Variants in DNAJC5G observed in about 807,000 individuals in gnomAD.
The protein encoded by DNAJC5G is DnaJ heat shock protein family (Hsp40) member C5 gamma.
Under a neutral mutation model 19.1 loss-of-function variants are expected in DNAJC5G, and 13 were observed. That is an observed-to-expected ratio of 0.68 (90% CI 0.44 to 1.08). The LOEUF (loss-of-function observed/expected upper bound fraction) is 1.08, where lower values mean the gene tolerates loss of function less well. Ranked by LOEUF, DNAJC5G falls within the 50% of genes least tolerant of loss-of-function variation. The pLI, the probability that DNAJC5G is intolerant of heterozygous loss-of-function variation, is 0.00. For synonymous variants in DNAJC5G, 81 were observed against 84.4 expected, an observed-to-expected ratio of 0.96 and a Z score of 0.22; for missense variants, 245 against 230.4, an observed-to-expected ratio of 1.06 and a Z score of -0.41.
chr2:27,280,102 T>A, intron 5 of DNAJC5G, 64 bp from the exon 6 acceptor site: 1 of 1,517,784 alleles, frequency 6.6e-7, no homozygotes, highest in Non-Finnish European at 9.1e-7. Context: ...GGTTTTCTCA[T>A]CAGTACACTA....
chr2:27,277,250 G>A (rs1022052799), intron 3 of DNAJC5G, among the ~76,000 whole-genome samples: 5 of 64,040 alleles, frequency 7.8e-5, no homozygotes, highest in African/African-American at 3.8e-4. Flanking sequence ...CCTACGACCC[G>A]TTTGTTTGTT....
In DNAJC5G at chr2:27,276,841, G is replaced by C; in HGVS notation, c.113G>C (p.Ser38Thr). The C allele has an allele frequency of 6.2e-7, 1 of 1,613,180 alleles. No individual in the cohort carries two copies. The highest frequency in any genetic ancestry group is 1.7e-5 in the Admixed American group (1 of 59,940). The change falls in exon 3 of 7, where the codon AGC becomes ACC. Residue 38 changes from serine (S) to threonine (T), a missense_variant and splice_region_variant. Transcript: ENST00000296097. ...ASPEDFKKSY[S>T]HSALLPHPPF... Reference sequence around the variant, plus strand: ...CCTGAAGACTTCAAAAAATCCTACAGGTTCAGACCTCAGCCCTTTATTGAT... The same window carrying C: ...CCTGAAGACTTCAAAAAATCCTACACGTTCAGACCTCAGCCCTTTATTGAT...
In DNAJC5G at chr2:27,277,852, C is replaced by T; in HGVS notation, c.212C>T (p.Ala71Val). ...HPDKNPGNAQAAEIFKEINAA... is the reference protein window; with the variant it reads ...HPDKNPGNAQVAEIFKEINAA... ...GACAAGAATCCAGGGAATGCTCAAGCAGCAGAAATATTCAAAGAGATCAAC... is the reference window on the plus strand; with the variant it reads ...GACAAGAATCCAGGGAATGCTCAAGTAGCAGAAATATTCAAAGAGATCAAC... The change falls in exon 4 of 7, where the codon GCA becomes GTA. Residue 71 changes from alanine (A) to valine (V), a missense_variant. Physicochemically the swap from Ala to Val is moderately conservative, Grantham distance 64. Transcript: ENST00000296097. 1 of 1,614,170 alleles carries T rather than the reference C, an allele frequency of 6.2e-7. No homozygotes were observed.
chr2:27,277,632 T>G, intron 3 of DNAJC5G, 122 bp from the exon 4 acceptor site: 1 of 1,286,484 alleles, frequency 7.8e-7, no homozygotes, highest in Non-Finnish European at 1.1e-6. Flanking sequence ...CTCTTCATTA[T>G]AGTATGGGAA....
intron 5 of DNAJC5G, 150 bp from the exon 6 acceptor site, chr2:27,280,016 C>G (rs79334624): frequency 1.5e-6 from 1 of 662,926 alleles, no homozygotes; most frequent in Non-Finnish European, 2.7e-6. Context: ...CATTCCCCCC[C>G]AAATGAACTT....
Position 27,280,015 on chromosome 2 carries a change from C to A in DNAJC5G, c.521-151C>A, listed in dbSNP as rs1006651170. On this transcript the variant is annotated intron_variant, in intron 5 of 6. Coordinates refer to ENST00000296097, the MANE Select transcript of DNAJC5G (RefSeq NM_173650.3). ...AAGGAAAGTCTGAGATCATTCCCCC[C>A]CAAATGAACTTTTATAAGCTGATTG... is the stretch of plus-strand genomic sequence containing the variant. The A allele has an allele frequency of 2.0e-5, 13 of 658,328 alleles. No homozygotes were observed. The Admixed American group carries it at 2.0e-4, about 10-fold the overall frequency. The allele number at this position is 658,328 out of a possible 1,614,324, so 40.8% of individuals were successfully genotyped here.
intron 5 of DNAJC5G, among the ~76,000 whole-genome samples, chr2:27,279,171 C>T (rs143072108): frequency 2.7e-3 from 404 of 152,178 alleles, no homozygotes; most frequent in Non-Finnish European, 4.1e-3. Context: ...ACACGACAAA[C>T]TGACAGTTTG....
At chr2:27,276,511 GAGA>G (rs1200009501) in intron 2 of DNAJC5G, 124 bp downstream of exon 2, 29 of 511,124 alleles carry the variant, frequency 5.7e-5, no homozygotes, top group African/African-American at 1.4e-4. Flanking sequence ...GAAATGTGAG[GAGA>G]AGATGTTTCC....
chr2:27,276,437 T>G lies in DNAJC5G; in HGVS notation c.-4+50T>G, dbSNP rs754601425. ...AGGCTCTTTTCCTGGCTTAGACCTC[T>G]CCCTGCTTACAACACCTCTAGGATG... On this transcript the variant is annotated intron_variant, in intron 2 of 6. Transcript: ENST00000296097. 3.6e-5 allele frequency: 10 copies of G among 280,954 alleles called. No individual in the cohort carries two copies. In the South Asian group the frequency reaches 5.4e-4, roughly 15 times the overall value. The allele number at this position is 280,954 out of a possible 1,614,324, so 17.4% of individuals were successfully genotyped here.
At chr2:27,277,147 G>A (rs542444505) in intron 3 of DNAJC5G, among the ~76,000 whole-genome samples, 19 of 152,136 alleles carry the variant, frequency 1.2e-4, no homozygotes, top group Admixed American at 1.2e-3. Flanking sequence ...TCGCCATGTT[G>A]GCCAGGCTGG....
chr2:27,280,129 G>T (rs1271430092), intron 5 of DNAJC5G, 37 bp from the exon 6 acceptor site: 2 of 1,594,714 alleles, frequency 1.3e-6, no homozygotes, highest in South Asian at 1.1e-5. Flanking sequence ...GTTACTAAAC[G>T]TTTGTATATG....
chr2:27,277,426 C>A (rs550518848), intron 3 of DNAJC5G, among the ~76,000 whole-genome samples: 2 of 151,306 alleles, frequency 1.3e-5, no homozygotes, highest in African/African-American at 4.9e-5. Context: ...CTATGCCCAG[C>A]TAATCTTTTG....
chr2:27,276,259 CA>C lies in DNAJC5G; in HGVS notation c.-118del, dbSNP rs776887820. 6.7e-3 allele frequency: 898 copies of C among 135,026 alleles called. No homozygotes were observed. Among genetic ancestry groups the C allele is most frequent in the Non-Finnish European group, 5.9e-3 (367 of 61,946 alleles). The allele number at this position is 135,026 out of a possible 1,614,324, so 8.4% of individuals were successfully genotyped here. ...GGGCAACAAGAGCAAAAAACTCCGT[CA>C]AAAAAAAAAAAAAGAAGAAGAAGTT... On this transcript the variant is annotated 5_prime_UTR_variant, in exon 2 of 7. Coordinates refer to ENST00000296097, the MANE Select transcript of DNAJC5G (RefSeq NM_173650.3).
In DNAJC5G at chr2:27,280,189, G is replaced by A. The variant is rs151006541; in HGVS notation, c.544G>A (p.Glu182Lys). ...RSGAKCDFRS[E>K]ENSEDDF is the part of the protein sequence containing the mutation. ...AGGAGCCAAATGTGATTTTAGAAGC[G>A]AGGAAAATAGCGAAGATGATTTTTA... The change falls in exon 6 of 7, where the codon GAG becomes AAG. Residue 182 changes from glutamate (E) to lysine (K), a missense_variant. Transcript: ENST00000296097. The A allele has an allele frequency of 4.9e-5, 79 of 1,613,978 alleles. No homozygotes were observed. In the African/African-American group the frequency reaches 5.9e-4, roughly 12 times the overall value.
At chr2:27,275,861 T>TCCCCCCCCCCGCCCCCGCCCCCGC (rs1168900451) in intron 1 of DNAJC5G, 1 of 122,552 alleles carries the variant, frequency 8.2e-6, no homozygotes, top group Non-Finnish European at 1.7e-5. Context: ...CTGCAAGCAC[T>TCCCCCCCCCCGCCCCCGCCCCCGC]CCCCACCCCC....
At chr2:27,277,475 G>A (rs760031053) in intron 3 of DNAJC5G, among the ~76,000 whole-genome samples, 4 of 151,912 alleles carry the variant, frequency 2.6e-5, no homozygotes, top group Non-Finnish European at 4.4e-5. Flanking sequence ...TGTTGGCCAA[G>A]CTGGTCTCAA....
chr2:27,276,430 A>G (rs1257587034), intron 2 of DNAJC5G, 43 bp downstream of exon 2: 6 of 265,892 alleles, frequency 2.3e-5, no homozygotes, highest in Non-Finnish European at 4.3e-5. Flanking sequence ...TTCCTGGCTT[A>G]GACCTCTCCC....
At chr2:27,277,241 C>G (rs1015158156) in intron 3 of DNAJC5G, among the ~76,000 whole-genome samples, 5 of 149,128 alleles carry the variant, frequency 3.4e-5, no homozygotes, top group Admixed American at 1.3e-4. Context: ...TGTGCCTGGC[C>G]TACGACCCGT....
chr2:27,276,540 T>C (rs570689817), intron 2 of DNAJC5G, 153 bp downstream of exon 2: 1 of 543,582 alleles, frequency 1.8e-6, no homozygotes, highest in African/African-American at 1.9e-5. Context: ...AAAATTGGAA[T>C]CTTTCTGATC....
Sources: allele counts gnomAD v4.1 joint callset (sites outside exome capture counted in the v4.1 genomes callset), GRCh38; gene constraint gnomAD v4.1.1; transcripts MANE v1.5; gene names NCBI Gene and HGNC (gene_info 2026-07-23, HGNC 2026-07-21).